PTPN2: variants seen among roughly 807,000 people sequenced by gnomAD.
PTPN2 encodes the protein tyrosine-protein phosphatase non-receptor type 2.
PTPN2 carries 19 observed loss-of-function variants against 57.3 expected under a neutral mutation model. That is an observed-to-expected ratio of 0.33 (90% CI 0.23 to 0.49). PTPN2 has a LOEUF of 0.49. Among genes scored for constraint, PTPN2 ranks in the 20% least tolerant of loss-of-function variants. The pLI, the probability that PTPN2 is intolerant of heterozygous loss-of-function variation, is 0.99. For missense variants in PTPN2, 358 were observed against 501.1 expected, an observed-to-expected ratio of 0.71 and a Z score of 2.73; for synonymous variants, 153 against 164.9, an observed-to-expected ratio of 0.93 and a Z score of 0.55.
intron 7 of PTPN2, among the ~76,000 whole-genome samples, chr18:12,803,151 G>T (rs1458509754): frequency 6.6e-6 from 1 of 152,080 alleles, no homozygotes; most frequent in African/African-American, 2.4e-5. Context: ...TGAGACCAAG[G>T]TTAAGTTATT....
At position 12,814,317 on chromosome 18, in the gene PTPN2, T is replaced by C. The variant is rs1213890598; in HGVS notation, c.744A>G (p.Leu248=). The change falls in exon 7 of 9, where the codon TTA becomes TTG. Residue 248 remains leucine (L), a synonymous_variant. Transcript: ENST00000309660. ...CCATTCGGTATTTTCTCATGTTCAG[T>C]AACACTTGTTTTATGTTAATATCAT... ...KGDDINIKQV[L]LNMRKYRMGL... 2 of 1,606,798 alleles carry C rather than the reference T, an allele frequency of 1.2e-6. No individual in the cohort carries two copies. The highest frequency in any genetic ancestry group is 2.2e-5 in the South Asian group (2 of 89,018).
intron 2 of PTPN2, among the ~76,000 whole-genome samples, chr18:12,858,955 T>C (rs2043693373): frequency 6.6e-6 from 1 of 152,238 alleles, no homozygotes; most frequent in Admixed American, 6.5e-5. Context: ...AAAATAATGG[T>C]GCCTATGTTT....
chr18:12,876,296 A>AGAAGAAGAAGAAGAAGAAGAAG (rs1555681230), intron 1 of PTPN2, among the ~76,000 whole-genome samples: 2 of 145,074 alleles, frequency 1.4e-5, no homozygotes, highest in Non-Finnish European at 1.5e-5. Context: ...ACAACAACAA[A>AGAAGAAGAAGAAGAAGAAGAAG]AAGAAGAAGA....
chr18:12,824,291 G>C (rs1371640261), intron 5 of PTPN2, among the ~76,000 whole-genome samples: 1 of 152,136 alleles, frequency 6.6e-6, no homozygotes, highest in African/African-American at 2.4e-5. Context: ...AGCTTAGTAC[G>C]GATGTCACGG....
At chr18:12,853,501 C>G (rs1276387756) in intron 2 of PTPN2, among the ~76,000 whole-genome samples, 2 of 152,084 alleles carry the variant, frequency 1.3e-5, no homozygotes, top group African/African-American at 4.8e-5. Flanking sequence ...CAACACCATC[C>G]CAGCTTTTAA....
At chr18:12,870,746 T>C (rs2044243661) in intron 1 of PTPN2, among the ~76,000 whole-genome samples, 1 of 151,514 alleles carries the variant, frequency 6.6e-6, no homozygotes, top group South Asian at 2.1e-4. Context: ...CCTGACCTCA[T>C]GATCCGCCCA....
chr18:12,827,316 C>T (rs1189258933), intron 4 of PTPN2, among the ~76,000 whole-genome samples: 6 of 150,070 alleles, frequency 4.0e-5, no homozygotes, highest in African/African-American at 1.5e-4. Context: ...GCACTCCAGC[C>T]TGGGCGACAG....
chr18:12,845,284 G>C (rs765938823), intron 2 of PTPN2, among the ~76,000 whole-genome samples: 10 of 152,182 alleles, frequency 6.6e-5, no homozygotes, highest in Non-Finnish European at 1.3e-4. Flanking sequence ...GGGGAGGACT[G>C]ATTCACTATG....
chr18:12,878,475 G>A (rs928946352), intron 1 of PTPN2, among the ~76,000 whole-genome samples: 3 of 152,076 alleles, frequency 2.0e-5, no homozygotes, highest in African/African-American at 7.2e-5. Context: ...TTCAAGACCA[G>A]CCTGACAAAC....
chr18:12,793,396 C>T lies in PTPN2; in HGVS notation c.*882G>A. ...CCTAAATCATAATCTACCCCAACTA[C>T]ATTGAAATTTTCATGAAAAATAAAC... is the stretch of plus-strand genomic sequence containing the variant. On this transcript the variant is annotated 3_prime_UTR_variant, in exon 9 of 9. Coordinates refer to ENST00000309660, the MANE Select transcript of PTPN2 (RefSeq NM_002828.4). 1 of 978,906 alleles carries T rather than the reference C, an allele frequency of 1.0e-6. No individual in the cohort carries two copies. Among genetic ancestry groups the T allele is most frequent in the Non-Finnish European group, 1.2e-6 (1 of 823,530 alleles). 60.6% of individuals were successfully genotyped at this position (978,906 alleles called of 1,614,324 possible).
rs534048753 is a variant in PTPN2, at chr18:12,811,685, C to T, written c.858+2518G>A. 3.3e-5 allele frequency among the ~76,000 whole-genome samples: 5 copies of T among 152,336 alleles called. No individual in the cohort carries two copies. In the South Asian group the frequency reaches 8.3e-4, roughly 25 times the overall value. ...ATATAGGTTCAGCAAACTCACTCGTCTCTGTCCTCCCTGTGACACACAAGG... is the reference window on the plus strand; with the variant it reads ...ATATAGGTTCAGCAAACTCACTCGTTTCTGTCCTCCCTGTGACACACAAGG... On this transcript the variant is annotated intron_variant, in intron 7 of 8. Coordinates refer to ENST00000309660, the MANE Select transcript of PTPN2 (RefSeq NM_002828.4).
At chr18:12,836,686 A>G (rs1483593772) in intron 3 of PTPN2, 105 bp downstream of exon 3, 9 of 695,756 alleles carry the variant, frequency 1.3e-5, no homozygotes, top group Middle Eastern at 4.1e-4. Context: ...CTGAAATACC[A>G]TTTCATTTCC....
chr18:12,815,875 T>C (rs980606140), intron 6 of PTPN2, among the ~76,000 whole-genome samples: 3 of 152,184 alleles, frequency 2.0e-5, no homozygotes, highest in African/African-American at 7.2e-5. Context: ...TCATATTAAT[T>C]CACCTGGGAA....
At chr18:12,811,622 C>G (rs1255911366) in intron 7 of PTPN2, among the ~76,000 whole-genome samples, 1 of 152,038 alleles carries the variant, frequency 6.6e-6, no homozygotes, top group Admixed American at 6.6e-5. Flanking sequence ...GATCAGCAGA[C>G]TCACTCGTGC....
chr18:12,828,733 A>G (rs1440247257), intron 4 of PTPN2, among the ~76,000 whole-genome samples: 1 of 152,170 alleles, frequency 6.6e-6, no homozygotes, highest in Non-Finnish European at 1.5e-5. Context: ...AAAAGCCCTA[A>G]AAACAATGAC....
At chr18:12,808,432 G>T (rs1192662734) in intron 7 of PTPN2, among the ~76,000 whole-genome samples, 5 of 152,090 alleles carry the variant, frequency 3.3e-5, no homozygotes, top group African/African-American at 1.2e-4. Context: ...TTACATAAAT[G>T]TATCAAAATA....
intron 8 of PTPN2, 68 bp downstream of exon 8, chr18:12,801,902 G>A (rs1473366566): frequency 1.5e-6 from 2 of 1,362,376 alleles, no homozygotes; most frequent in Non-Finnish European, 2.0e-6. Context: ...TATGGCACCT[G>A]GTCCCATAAA....
At chr18:12,815,133 T>TAAATAAAAAAAA (rs942733377) in intron 6 of PTPN2, among the ~76,000 whole-genome samples, 1 of 140,240 alleles carries the variant, frequency 7.1e-6, no homozygotes, top group Non-Finnish European at 1.5e-5. Flanking sequence ...AATAAATAAA[T>TAAATAAAAAAAA]AAAAATGTGG....
rs754659029 is a variant in PTPN2 at position 12,794,444 on chromosome 18, G to A, written c.1082C>T (p.Thr361Ile). ...TTTCATCTGCTGCACCTTCTGAGCT[G>A]TGGTGGCCTTTCTGTCCTCTCGAAT... ...KRIREDRKAT[T>I]AQKVQQMKQR... Residue 361 changes from threonine to isoleucine, a missense_variant, in exon 9 of 9, where the codon ACA (threonine) becomes ATA (isoleucine). This residue lies in a region of PTPN2 where 96 missense variants were observed against 110.8 expected (regional missense o/e 0.87). Transcript: ENST00000309660. 6.2e-7 allele frequency: 1 copy of A among 1,614,038 alleles called. No individual in the cohort carries two copies.
Sources: gnomAD v4.1 joint callset for allele counts (sites outside exome capture counted in the v4.1 genomes callset) on GRCh38, gnomAD v4.1.1 for gene constraint, gnomAD v4.1.1 regional missense constraint, MANE v1.5 for transcripts, NCBI Gene and HGNC (gene_info 2026-07-23, HGNC 2026-07-21) for gene names.